The following MACROH2A1 variants were observed in gnomAD, a reference collection of about 807,000 sequenced individuals.
MACROH2A1 encodes the protein core histone macro-H2A.1.
Under a neutral mutation model 31.6 loss-of-function variants are expected in MACROH2A1, and 2 were observed. That is an observed-to-expected ratio of 0.06 (90% confidence interval 0.03 to 0.20). The LOEUF (loss-of-function observed/expected upper bound fraction) is 0.20. MACROH2A1 is among the 10% of genes least tolerant of loss of function. The probability of loss-of-function intolerance (pLI) is 1.00; values close to 1 mark genes in which losing one functional copy is unlikely to be tolerated. For missense variants in MACROH2A1, 230 were observed against 474.0 expected (o/e 0.49, Z 4.78); for synonymous variants, 169 against 189.6 (o/e 0.89, Z 0.89).
intron 5 of MACROH2A1, chr5:135,359,219 A>G: frequency 8.1e-6 from 8 of 985,422 alleles, no homozygotes; most frequent in Non-Finnish European, 8.4e-6. Flanking sequence ...TGGGGAAAAG[A>G]GGGAGAAGGT....
intron 4 of MACROH2A1, among the ~76,000 whole-genome samples, chr5:135,368,912 T>A (rs544257241): frequency 6.1e-4 from 93 of 152,256 alleles, no homozygotes; most frequent in African/African-American, 2.2e-3. Flanking sequence ...GAGTAATACA[T>A]CCATTTTCCT....
At chr5:135,395,896 G>A (rs930590922) in intron 1 of MACROH2A1, among the ~76,000 whole-genome samples, 1 of 152,234 alleles carries the variant, frequency 6.6e-6, no homozygotes, top group East Asian at 1.9e-4. Flanking sequence ...GACCAACTGA[G>A]ATAGTAAATA....
At chr5:135,399,378 C>G (rs1249484063), upstream of MACROH2A1, 1 of 152,328 alleles carries the variant, frequency 6.6e-6, no homozygotes, top group Non-Finnish European at 1.5e-5. This position sits in a 1 kb window ranked among gnomAD's most constrained non-coding sequence, Gnocchi z 4.5. Flanking sequence ...TGACGCCGGC[C>G]GCTCTGCGCC....
At chr5:135,359,768 A>C (rs537903340) in intron 5 of MACROH2A1, 1 of 957,394 alleles carries the variant, frequency 1.0e-6, no homozygotes, top group South Asian at 4.8e-5. Context: ...ATAGGATTAA[A>C]AAATTAAGAA....
intron 4 of MACROH2A1, chr5:135,362,953 G>A (rs1262712753): frequency 6.6e-6 from 1 of 152,196 alleles, no homozygotes; most frequent in Non-Finnish European, 1.5e-5. Context: ...AACAGTCACA[G>A]GACATAAAAG....
At chr5:135,353,405 G>A (rs1392483573) in intron 5 of MACROH2A1, 2 of 245,742 alleles carry the variant, frequency 8.1e-6, no homozygotes, top group Admixed American at 5.2e-5. Flanking sequence ...AGGGTTGGGG[G>A]CTGGTGGATG....
intron 1 of MACROH2A1, among the ~76,000 whole-genome samples, chr5:135,390,377 T>A (rs1176194317): frequency 6.6e-6 from 1 of 152,224 alleles, no homozygotes; most frequent in African/African-American, 2.4e-5. Flanking sequence ...TCTCGAATGT[T>A]TACTTGGAGC....
intron 4 of MACROH2A1, chr5:135,362,377 T>C (rs909841337): frequency 6.6e-6 from 1 of 152,230 alleles, no homozygotes; most frequent in Non-Finnish European, 1.5e-5. Flanking sequence ...AATCTAACAC[T>C]ATTCTAAAAT....
chr5:135,345,744 T>C (rs1027169817), intron 7 of MACROH2A1: 3 of 507,074 alleles, frequency 5.9e-6, no homozygotes, highest in Non-Finnish European at 3.5e-6. Flanking sequence ...ATCAAACATA[T>C]AGGAGCTATT....
rs534159095 is a variant in MACROH2A1, at chr5:135,343,201, G to A, written c.953+59C>T. Reference sequence around the variant, plus strand: ...CAGAGTGAGAGCACCACAATTATGGGCCATGTGTGCGCAGAGAGACACACC... The same window carrying A: ...CAGAGTGAGAGCACCACAATTATGGACCATGTGTGCGCAGAGAGACACACC... On this transcript the variant is annotated intron_variant, in intron 8 of 8. Coordinates refer to ENST00000511689, the MANE Select transcript of MACROH2A1 (RefSeq NM_138610.3). 40 of 1,607,508 alleles carry A rather than the reference G, an allele frequency of 2.5e-5. No homozygotes were observed. In the African/African-American group the frequency reaches 3.9e-4, roughly 16 times the overall value.
intron 5 of MACROH2A1, chr5:135,354,853 C>T: frequency 2.8e-6 from 1 of 352,290 alleles, no homozygotes; most frequent in South Asian, 2.2e-5. Context: ...ATACTCCCCA[C>T]CACACACCAC....
At chr5:135,352,220 C>G (rs933940829) in intron 6 of MACROH2A1, among the ~76,000 whole-genome samples, 1 of 152,212 alleles carries the variant, frequency 6.6e-6, no homozygotes, top group African/African-American at 2.4e-5. Flanking sequence ...GCAGCCCTGT[C>G]GTGCCATTGA....
chr5:135,361,924 T>C (rs1169662486), intron 4 of MACROH2A1: 1 of 152,206 alleles, frequency 6.6e-6, no homozygotes, highest in Non-Finnish European at 1.5e-5. Flanking sequence ...GGTTATGCTA[T>C]AAGTAAGAGA....
intron 2 of MACROH2A1, among the ~76,000 whole-genome samples, chr5:135,385,427 G>T (rs185969256): frequency 6.6e-6 from 1 of 152,342 alleles, no homozygotes; most frequent in East Asian, 1.9e-4. Flanking sequence ...GGGTGGGGAT[G>T]GGTTGGTGTG....
intron 2 of MACROH2A1, among the ~76,000 whole-genome samples, chr5:135,383,952 G>A (rs1766042582): frequency 6.6e-6 from 1 of 152,158 alleles, no homozygotes; most frequent in Non-Finnish European, 1.5e-5. Flanking sequence ...GAGCATCAAA[G>A]AGCCAAGCCT....
At chr5:135,365,294 G>T (rs1242515689) in intron 4 of MACROH2A1, among the ~76,000 whole-genome samples, 1 of 152,126 alleles carries the variant, frequency 6.6e-6, no homozygotes, top group East Asian at 1.9e-4. Flanking sequence ...TCTCTTAAGA[G>T]GGGCCAGGCA....
intron 8 of MACROH2A1, among the ~76,000 whole-genome samples, chr5:135,340,173 G>A (rs1000810392): frequency 1.3e-5 from 2 of 152,114 alleles, no homozygotes; most frequent in African/African-American, 4.8e-5. Context: ...CTGAAGCGAA[G>A]GGCTTCTGAT....
At chr5:135,351,542 A>ATT (rs1761550619) in intron 6 of MACROH2A1, 1 of 45,700 alleles carries the variant, frequency 2.2e-5, no homozygotes, top group African/African-American at 8.1e-5. Context: ...TTTATGGTTT[A>ATT]ATTTTTTTTT....
chr5:135,396,179 CT>C (rs1371384524), intron 1 of MACROH2A1, among the ~76,000 whole-genome samples: 1 of 152,190 alleles, frequency 6.6e-6, no homozygotes, highest in African/African-American at 2.4e-5. Context: ...ATACTCCTCT[CT>C]CTTTTAAAGG....
Sources: gnomAD v4.1 joint callset for allele counts (sites outside exome capture counted in the v4.1 genomes callset) on GRCh38, gnomAD v4.1.1 for gene constraint, Gnocchi (gnomAD v3.1) non-coding constraint, MANE v1.5 for transcripts, NCBI Gene and HGNC (gene_info 2026-07-23, HGNC 2026-07-21) for gene names.